RIN2: variants seen among roughly 807,000 people sequenced by gnomAD.
The protein encoded by RIN2 is Ras and Rab interactor 2.
RIN2 carries 36 observed loss-of-function variants against 78.0 expected under a neutral mutation model. The ratio of observed to expected loss-of-function variants is 0.46; its 90% CI spans 0.35 to 0.61. The LOEUF (loss-of-function observed/expected upper bound fraction) is 0.61, where lower values mean the gene tolerates loss of function less well. Among genes scored for constraint, RIN2 ranks in the 20% least tolerant of loss-of-function variants. The pLI, the probability that RIN2 is intolerant of heterozygous loss-of-function variation, is 0.00. For missense variants in RIN2, 1,087 were observed against 1,159.7 expected (o/e 0.94, Z 0.91); for synonymous variants, 466 against 466.8 (o/e 1.00, Z 0.02).
At chr20:19,958,963 C>T (rs2041646304) in intron 5 of RIN2, among the ~76,000 whole-genome samples, 2 of 152,184 alleles carry the variant, frequency 1.3e-5, no homozygotes, top group African/African-American at 4.8e-5. Flanking sequence ...GCCATGGTGG[C>T]ATGAGTGAAG....
At chr20:19,774,761 G>A (rs1408292503) in intron 1 of RIN2, among the ~76,000 whole-genome samples, 1 of 152,180 alleles carries the variant, frequency 6.6e-6, no homozygotes, top group Non-Finnish European at 1.5e-5. Flanking sequence ...GATGTAATAG[G>A]ATTTGGTGTT....
intron 7 of RIN2, among the ~76,000 whole-genome samples, chr20:19,965,388 A>G (rs2041905121): frequency 6.6e-6 from 1 of 152,056 alleles, no homozygotes; most frequent in South Asian, 2.1e-4. Context: ...ATGCGCACAC[A>G]CACCTACACA....
At chr20:19,966,083 C>T (rs1364864358) in intron 7 of RIN2, among the ~76,000 whole-genome samples, 1 of 152,138 alleles carries the variant, frequency 6.6e-6, no homozygotes, top group Non-Finnish European at 1.5e-5. Flanking sequence ...ATTGCCTCCT[C>T]TTATGGGGCT....
chr20:19,764,936 T>TTTTTTTTTTTTTTTTTTTTCTTC (rs2033818621), intron 1 of RIN2, among the ~76,000 whole-genome samples: 1 of 132,578 alleles, frequency 7.5e-6, no homozygotes, highest in Non-Finnish European at 1.6e-5. Flanking sequence ...TTTTTTTTTT[T>TTTTTTTTTTTTTTTTTTTTCTTC]TTTTTTTGAC....
intron 1 of RIN2, among the ~76,000 whole-genome samples, chr20:19,776,743 AAAG>A (rs1164706645): frequency 1.0e-4 from 13 of 128,490 alleles, no homozygotes; most frequent in South Asian, 2.6e-4. Flanking sequence ...AAAAAAAAAA[AAAG>A]AAAGAAAGAA....
At chr20:19,909,070 G>C (rs1326831378) in intron 3 of RIN2, among the ~76,000 whole-genome samples, 1 of 152,072 alleles carries the variant, frequency 6.6e-6, no homozygotes, top group African/African-American at 2.4e-5. Context: ...TGCCATGTTG[G>C]CCAGGCTGGT....
chr20:19,850,808 C>G (rs1302005056), intron 2 of RIN2, among the ~76,000 whole-genome samples: 1 of 152,042 alleles, frequency 6.6e-6, no homozygotes, highest in East Asian at 1.9e-4. Context: ...CCTAAAAATA[C>G]AAACAAAAAC....
chr20:19,935,293 T>C (rs2146120893), intron 4 of RIN2, 94 bp downstream of exon 4: 1 of 1,304,606 alleles, frequency 7.7e-7, no homozygotes, highest in East Asian at 2.6e-5. Context: ...TCCTCAGAAG[T>C]CTGGGAGCTG....
At chr20:19,888,870 G>A (rs975413888) in intron 2 of RIN2, among the ~76,000 whole-genome samples, 1 of 152,192 alleles carries the variant, frequency 6.6e-6, no homozygotes, top group Non-Finnish European at 1.5e-5. Context: ...GCCCTAGCAG[G>A]GGAAATTCCA....
At chr20:19,982,909 G>A (rs144062641) in intron 9 of RIN2, among the ~76,000 whole-genome samples, 275 of 152,258 alleles carry the variant, frequency 1.8e-3, no homozygotes, top group African/African-American at 6.2e-3. Flanking sequence ...GCCACCTCTT[G>A]GAGCTCCCCA....
intron 7 of RIN2, among the ~76,000 whole-genome samples, chr20:19,969,673 T>C (rs1336561654): frequency 6.6e-6 from 1 of 152,232 alleles, no homozygotes; most frequent in Non-Finnish European, 1.5e-5. Flanking sequence ...CAGCCCCTGA[T>C]GCAATGTCTG....
At chr20:19,884,252 C>G (rs2038113234) in intron 2 of RIN2, among the ~76,000 whole-genome samples, 1 of 151,684 alleles carries the variant, frequency 6.6e-6, no homozygotes, top group African/African-American at 2.4e-5. Flanking sequence ...GAGACCTGGT[C>G]TCTACAAAAT....
At chr20:19,828,142 C>T (rs1317475300) in intron 2 of RIN2, among the ~76,000 whole-genome samples, 3 of 152,160 alleles carry the variant, frequency 2.0e-5, no homozygotes, top group South Asian at 2.1e-4. Context: ...TTGATGGGAA[C>T]GAGGGCACTT....
chr20:19,843,353 C>T (rs1218636671), intron 2 of RIN2, among the ~76,000 whole-genome samples: 1 of 148,920 alleles, frequency 6.7e-6, no homozygotes. Context: ...GAAAAAAAGT[C>T]AATCAATGTG....
chr20:19,954,530 C>G (rs1056022205), intron 4 of RIN2, among the ~76,000 whole-genome samples: 1 of 152,154 alleles, frequency 6.6e-6, no homozygotes, highest in Admixed American at 6.5e-5. Flanking sequence ...TCTCTCTGAC[C>G]AGGGGCTTGA....
rs1491261832 is a variant in RIN2 at position 19,844,597 on chromosome 20, CTT to C, written c.-37+44851_-37+44852del. 2.4e-3 allele frequency among the ~76,000 whole-genome samples: 171 copies of C among 71,896 alleles called. 2 individuals carry two copies. The highest frequency in any genetic ancestry group is 6.6e-3 in the African/African-American group (137 of 20,908). The allele number at this position is 71,896 out of a possible 152,430, so 47.2% of individuals were successfully genotyped here. On this transcript the variant is annotated intron_variant, in intron 2 of 12. Transcript: ENST00000255006. ...AGAGCTGCTGCTGCTGCTGCTGCTT[CTT>C]CCTCTTCTTCTTCTTCTTCTTCTTC... is the stretch of plus-strand genomic sequence containing the variant.
At chr20:19,993,641 C>T (rs1005785409) in intron 11 of RIN2, among the ~76,000 whole-genome samples, 2 of 152,044 alleles carry the variant, frequency 1.3e-5, no homozygotes, top group Non-Finnish European at 2.9e-5. Flanking sequence ...ATTAATATTA[C>T]TAACCATGGA....
At chr20:19,834,745 C>G (rs180701630) in intron 2 of RIN2, among the ~76,000 whole-genome samples, 437 of 152,270 alleles carry the variant, frequency 2.9e-3, no homozygotes, top group Non-Finnish European at 4.6e-3. Context: ...ACATCCCAAT[C>G]TTCTGTCTTT....
chr20:19,942,794 A>G (rs1313545350), intron 4 of RIN2, among the ~76,000 whole-genome samples: 1 of 152,242 alleles, frequency 6.6e-6, no homozygotes, highest in Non-Finnish European at 1.5e-5. Flanking sequence ...ATCTGTTTAC[A>G]GTAAACCTTG....
Sources: allele counts gnomAD v4.1 joint callset (sites outside exome capture counted in the v4.1 genomes callset), GRCh38; gene constraint gnomAD v4.1.1; transcripts MANE v1.5; gene names NCBI Gene and HGNC (gene_info 2026-07-23, HGNC 2026-07-21).